GNAS: variants seen among roughly 807,000 people sequenced by gnomAD.
GNAS encodes protein ALEX.
A neutral mutation model predicts 54.5 loss-of-function variants in GNAS; 8 were observed. The ratio of observed to expected loss-of-function variants is 0.15; its 90% confidence interval spans 0.09 to 0.26. The LOEUF is 0.26. Among genes scored for constraint, GNAS ranks in the 10% least tolerant of loss-of-function variants. The pLI is 1.00. For missense variants in GNAS, 170 were observed against 529.8 expected (o/e 0.32, Z 6.67); for synonymous variants, 204 against 191.4 (o/e 1.07, Z -0.54).
rs903454146 is a variant in GNAS at position 58,896,890 on chromosome 20, CAAACA to C, written c.212+1214_212+1218del. Among the ~76,000 whole-genome samples the C allele has an allele frequency of 1.8e-3, 280 of 152,092 alleles. 2 individuals carry two copies. Among genetic ancestry groups the C allele is most frequent in the African/African-American group, 6.3e-3 (263 of 41,502 alleles). On this transcript the variant is annotated intron_variant, in intron 2 of 12. Transcript: ENST00000371085. ...TTATACCAACCACCCCCCAAAAAAA[CAAACA>C]AAACAAACAAAAAAACCTTTACTAG...
intron 5 of GNAS, 81 bp downstream of exon 5, chr20:58,903,872 T>C: frequency 6.8e-7 from 1 of 1,462,604 alleles, no homozygotes; most frequent in Non-Finnish European, 9.6e-7. Context: ...GTGACAGCCC[T>C]GCACATGGGC....
At chr20:58,890,987 C>T (rs2089179102), upstream of GNAS, among the ~76,000 whole-genome samples, 1 of 151,320 alleles carries the variant, frequency 6.6e-6, no homozygotes, top group African/African-American at 2.4e-5. Context: ...TCGGCGGCGC[C>T]CGCGGGAGGG....
Position 58,881,019 on chromosome 20 carries a change from G to A in GNAS, c.44-14593G>A, listed in dbSNP as rs188767053. The stretch of plus-strand genomic sequence containing the variant: ...ATACCTAAGATTAAAATATTAATTC[G>A]ATTTGGGGATTATGCCAGTCAACAT... On this transcript the variant is annotated intron_variant, in intron 1 of 12. Transcript: ENST00000306090. Among the ~76,000 whole-genome samples the A allele has an allele frequency of 5.5e-4, 83 of 152,282 alleles. 1 individual carries two copies. The East Asian group carries it at 0.015, about 28-fold the overall frequency.
At chr20:58,855,666 A>AGGGGCCCCGGGGCCCC (rs763359086) in intron 1 of GNAS, 11 of 553,126 alleles carry the variant, frequency 2.0e-5, no homozygotes, top group Middle Eastern at 3.5e-4. Flanking sequence ...ACTGCCGGGG[A>AGGGGCCCCGGGGCCCC]GGGGCCCCGG....
At chr20:58,879,508 A>G (rs2088078024) in intron 1 of GNAS, among the ~76,000 whole-genome samples, 1 of 152,214 alleles carries the variant, frequency 6.6e-6, no homozygotes, top group Admixed American at 6.5e-5. Flanking sequence ...CAATCGTGAA[A>G]AAGCATCTGG....
At position 58,898,922 on chromosome 20, in the gene GNAS, T is replaced by C; in HGVS notation, c.213-19T>C. ...CGGTGCCTTGCAGATTAGGTGAGCT[T>C]TCAATCTCTCTTTAAAAGGGGCGGC... is the stretch of plus-strand genomic sequence containing the variant. On this transcript the variant is annotated intron_variant, in intron 2 of 12. Coordinates refer to ENST00000371085, the MANE Select transcript of GNAS (RefSeq NM_000516.7). 1 of 1,611,480 alleles carries C rather than the reference T, an allele frequency of 6.2e-7. No homozygotes were observed. The highest frequency in any genetic ancestry group is 8.5e-7 in the Non-Finnish European group (1 of 1,177,616).
At chr20:58,901,319 C>T (rs937027488) in intron 3 of GNAS, among the ~76,000 whole-genome samples, 3 of 152,158 alleles carry the variant, frequency 2.0e-5, no homozygotes, top group African/African-American at 7.2e-5. Context: ...TTCTTAATTT[C>T]AGAAATGAGC....
At chr20:58,893,478 G>C (rs879298980) in intron 1 of GNAS, among the ~76,000 whole-genome samples, 6 of 152,168 alleles carry the variant, frequency 3.9e-5, no homozygotes, top group Non-Finnish European at 8.8e-5. Context: ...CAACAAAACA[G>C]CTTGAGTATA....
intron 2 of GNAS, chr20:58,897,725 A>G (rs2090197969): frequency 6.6e-6 from 1 of 152,236 alleles, no homozygotes; most frequent in African/African-American, 2.4e-5. Context: ...AAGGGCACAG[A>G]TACGTTAAAT....
intron 1 of GNAS, among the ~76,000 whole-genome samples, chr20:58,892,959 T>A (rs1031561872): frequency 1.4e-5 from 2 of 146,618 alleles, no homozygotes; most frequent in Non-Finnish European, 3.0e-5. Flanking sequence ...CTGGCCACAT[T>A]GAGAGTGCTT....
chr20:58,900,676 T>G (rs1289965800), intron 3 of GNAS, among the ~76,000 whole-genome samples: 1 of 152,216 alleles, frequency 6.6e-6, no homozygotes, highest in Non-Finnish European at 1.5e-5. Context: ...TGGCATATGT[T>G]TTGCCTTTGT....
At position 58,853,448 on chromosome 20, in the gene GNAS, C is replaced by G; in HGVS notation, c.43+12562C>G. The stretch of plus-strand genomic sequence containing the variant: ...CGCCTCACAACGAGCCCATCCCCGT[C>G]GAGAATGATGGCGAGGCCTGTGGAC... On this transcript the variant is annotated intron_variant, in intron 1 of 12. Coordinates refer to the GNAS transcript ENST00000306090. The surrounding 1 kb of genome is among the most constrained non-coding windows in gnomAD (Gnocchi z 4.4). 1 of 1,610,790 alleles carries G rather than the reference C, an allele frequency of 6.2e-7. No individual in the cohort carries two copies. The highest frequency in any genetic ancestry group is 8.5e-7 in the Non-Finnish European group (1 of 1,178,776).
intron 4 of GNAS, 32 bp from the exon 5 acceptor site, chr20:58,903,640 G>A (rs776522577): frequency 3.1e-6 from 5 of 1,614,134 alleles, no homozygotes; most frequent in Non-Finnish European, 4.2e-6. Context: ...AGCCAGTGCT[G>A]TTCCCTGACC....
At chr20:58,854,627 C>T (rs1391629968) in intron 1 of GNAS, 11 of 1,534,854 alleles carry the variant, frequency 7.2e-6, no homozygotes, top group South Asian at 2.4e-5. Context: ...CCGATCCCGA[C>T]TCCGGGGCGG....
chr20:58,858,786 TTCTC>T (rs140651291), intron 1 of GNAS, among the ~76,000 whole-genome samples: 10 of 150,536 alleles, frequency 6.6e-5, no homozygotes, highest in South Asian at 2.1e-4. Flanking sequence ...TATTTTTCTT[TTCTC>T]TCTCTCTCTC....
chr20:58,842,216 C>A, intron 1 of GNAS: 1 of 398,482 alleles, frequency 2.5e-6, no homozygotes, highest in South Asian at 1.3e-4. Flanking sequence ...CCTCGCCAGT[C>A]CTGGGGGGAA....
chr20:58,891,941 CCGCCCCCCGCCCCGGGCGCGCGCTCCCG>C (rs2089417866), intron 1 of GNAS, 76 bp downstream of exon 1: 1 of 872,142 alleles, frequency 1.1e-6, no homozygotes. Context: ...CGCGCCGAGC[CCGCCCCCCGCCCCGGGCGCGCGCTCCCG>C]AGCCCCCCGC....
chr20:58,848,760 AT>A (rs1237883880), intron 1 of GNAS: 3 of 396,242 alleles, frequency 7.6e-6, no homozygotes, highest in African/African-American at 6.2e-5. Flanking sequence ...ACTATACCGG[AT>A]TCCTCAGGTC....
intron 1 of GNAS, among the ~76,000 whole-genome samples, chr20:58,884,173 C>A (rs2088437299): frequency 6.6e-6 from 1 of 152,098 alleles, no homozygotes; most frequent in Admixed American, 6.5e-5. Context: ...AAAATGATCA[C>A]CTACATTTGG....
Sources: gnomAD v4.1 joint callset for allele counts (sites outside exome capture counted in the v4.1 genomes callset) on GRCh38, gnomAD v4.1.1 for gene constraint, Gnocchi (gnomAD v3.1) non-coding constraint, MANE v1.5 for transcripts, NCBI Gene and HGNC (gene_info 2026-07-23, HGNC 2026-07-21) for gene names.